The following CREB5 variants were observed in gnomAD, a reference collection of about 807,000 sequenced individuals.
CREB5 encodes the protein cyclic AMP-responsive element-binding protein 5.
In CREB5, 19 loss-of-function variants were observed where a neutral mutation model predicts 57.1. The ratio of observed to expected loss-of-function variants is 0.33; its 90% confidence interval spans 0.23 to 0.49. The LOEUF is 0.49. CREB5 is among the 20% of genes least tolerant of loss of function. The pLI, the probability that CREB5 is intolerant of heterozygous loss-of-function variation, is 0.99. For missense variants in CREB5, 579 were observed against 671.6 expected, an observed-to-expected ratio of 0.86 and a Z score of 1.52; for synonymous variants, 238 against 238.3, an observed-to-expected ratio of 1.00 and a Z score of 0.01.
At chr7:28,737,583 ATATAT>A (rs1804101249) in intron 7 of CREB5, among the ~76,000 whole-genome samples, 2 of 26,388 alleles carry the variant, frequency 7.6e-5, no homozygotes, top group Non-Finnish European at 1.9e-4. Flanking sequence ...ATATATATAT[ATATAT>A]TTTTAACTCC....
At chr7:28,366,424 G>A (rs893811011) in intron 1 of CREB5, among the ~76,000 whole-genome samples, 2 of 152,086 alleles carry the variant, frequency 1.3e-5, no homozygotes, top group East Asian at 1.9e-4. Flanking sequence ...TTTAACTTGT[G>A]TATGTGAGGA....
At chr7:28,454,542 C>T (rs1357169738) in intron 1 of CREB5, among the ~76,000 whole-genome samples, 1 of 152,140 alleles carries the variant, frequency 6.6e-6, no homozygotes, top group Non-Finnish European at 1.5e-5. Context: ...CTTCCTGGTG[C>T]CACCTCCTAG....
intron 5 of CREB5, among the ~76,000 whole-genome samples, chr7:28,608,345 G>A (rs746900636): frequency 7.9e-5 from 12 of 152,050 alleles, no homozygotes; most frequent in Non-Finnish European, 1.3e-4. Flanking sequence ...GGTAAATAAA[G>A]GACTTCAGCA....
chr7:28,477,922 C>T (rs996064374), intron 1 of CREB5, among the ~76,000 whole-genome samples: 2 of 152,224 alleles, frequency 1.3e-5, no homozygotes, highest in Non-Finnish European at 2.9e-5. Flanking sequence ...TGAGACCAGC[C>T]TGGGCAACAC....
intron 1 of CREB5, among the ~76,000 whole-genome samples, chr7:28,398,921 G>T (rs1440818957): frequency 3.9e-5 from 6 of 152,064 alleles, no homozygotes; most frequent in African/African-American, 1.4e-4. Flanking sequence ...TCACTATGTT[G>T]CCCAGGCTGG....
chr7:28,457,420 TAG>T (rs1790147775), intron 1 of CREB5, among the ~76,000 whole-genome samples: 1 of 152,180 alleles, frequency 6.6e-6, no homozygotes, highest in Non-Finnish European at 1.5e-5. Flanking sequence ...ATGTTCTGCA[TAG>T]GGCAGGCAGT....
chr7:28,324,201 A>G (rs1269399923), intron 1 of CREB5, among the ~76,000 whole-genome samples: 2 of 152,168 alleles, frequency 1.3e-5, no homozygotes, highest in African/African-American at 4.8e-5. Flanking sequence ...AGAACATAAT[A>G]TAAAACAAAC....
chr7:28,495,357 C>A (rs2128599136), intron 3 of CREB5, among the ~76,000 whole-genome samples: 1 of 152,188 alleles, frequency 6.6e-6, no homozygotes, highest in Admixed American at 6.5e-5. Context: ...ACCTGGTCAA[C>A]ATGGTGAAAC....
At chr7:28,459,323 G>T (rs1350328340) in intron 1 of CREB5, among the ~76,000 whole-genome samples, 1 of 152,170 alleles carries the variant, frequency 6.6e-6, no homozygotes, top group Non-Finnish European at 1.5e-5. Flanking sequence ...CAGGTTGGCT[G>T]TCTTTTCTTC....
chr7:28,580,586 TGTGTGTGA>T (rs1390231461), intron 5 of CREB5, among the ~76,000 whole-genome samples: 2 of 146,152 alleles, frequency 1.4e-5, no homozygotes, highest in Non-Finnish European at 3.1e-5. Context: ...TGTGTGTGTG[TGTGTGTGA>T]GAGAGAGATA....
At chr7:28,469,547 T>G (rs1460731858) in intron 1 of CREB5, among the ~76,000 whole-genome samples, 2 of 152,366 alleles carry the variant, frequency 1.3e-5, no homozygotes, top group East Asian at 3.9e-4. Flanking sequence ...TCTCTGCCAA[T>G]GAATGATACT....
chr7:28,509,345 T>C (rs150413947), intron 4 of CREB5, among the ~76,000 whole-genome samples: 58 of 152,334 alleles, frequency 3.8e-4, no homozygotes, highest in South Asian at 3.7e-3. Context: ...TATGAAGCCC[T>C]GTGTGAGGAA....
Position 28,331,572 on chromosome 7 carries a change from C to G in CREB5, c.-25+32131C>G, listed in dbSNP as rs187283027. On this transcript the variant is annotated intron_variant, in intron 1 of 9. Coordinates refer to the CREB5 transcript ENST00000396299. The stretch of plus-strand genomic sequence containing the variant: ...TCTTCCCTCTGTCCTTGTTCTTTTA[C>G]TCCTACACTTTGCACATGCTTTTAG... Among the ~76,000 whole-genome samples, 3 of 152,230 alleles carry G rather than the reference C, an allele frequency of 2.0e-5. No individual in the cohort carries two copies. The East Asian group carries it at 5.8e-4, about 29-fold the overall frequency.
chr7:28,305,460 T>A (rs556547112), intron 1 of CREB5, among the ~76,000 whole-genome samples: 1 of 152,340 alleles, frequency 6.6e-6, no homozygotes, highest in Admixed American at 6.5e-5. Flanking sequence ...CCCCTGGGAA[T>A]TCTAGCTCTG....
intron 7 of CREB5, among the ~76,000 whole-genome samples, chr7:28,758,176 C>G (rs1303680457): frequency 6.6e-6 from 1 of 152,112 alleles, no homozygotes; most frequent in Non-Finnish European, 1.5e-5. Context: ...ATGAAGATAT[C>G]GAGGCTCAGG....
chr7:28,777,690 T>C (rs1212044203), intron 7 of CREB5, among the ~76,000 whole-genome samples: 1 of 152,212 alleles, frequency 6.6e-6, no homozygotes, highest in Non-Finnish European at 1.5e-5. Flanking sequence ...TTTTGGAGGC[T>C]CTTCTTTACT....
At chr7:28,589,540 C>T (rs549226703) in intron 5 of CREB5, among the ~76,000 whole-genome samples, 2 of 152,020 alleles carry the variant, frequency 1.3e-5, no homozygotes, top group South Asian at 2.1e-4. Context: ...GGCGACAGAG[C>T]GACACTCTGT....
chr7:28,727,230 T>C (rs1382253820), intron 7 of CREB5, among the ~76,000 whole-genome samples: 2 of 152,174 alleles, frequency 1.3e-5, no homozygotes, highest in African/African-American at 4.8e-5. Flanking sequence ...TTCTGAAGAA[T>C]TAAGTCAACA....
intron 1 of CREB5, among the ~76,000 whole-genome samples, chr7:28,445,772 C>G (rs894184786): frequency 2.6e-5 from 4 of 151,638 alleles, no homozygotes; most frequent in Admixed American, 2.6e-4. Context: ...AGGATGATCT[C>G]GATCTTCTGA....
Sources: gnomAD v4.1 joint callset for allele counts (sites outside exome capture counted in the v4.1 genomes callset) on GRCh38, gnomAD v4.1.1 for gene constraint, MANE v1.5 for transcripts, NCBI Gene and HGNC (gene_info 2026-07-23, HGNC 2026-07-21) for gene names.